KIRREL3: variants seen among roughly 807,000 people sequenced by gnomAD.
KIRREL3 encodes the protein kin of IRRE-like protein 3.
Under a neutral mutation model 89.7 loss-of-function variants are expected in KIRREL3, and 36 were observed. That is an observed-to-expected ratio of 0.40 (90% CI 0.31 to 0.53). KIRREL3 has a LOEUF of 0.53. Among genes scored for constraint, KIRREL3 ranks in the 20% least tolerant of loss-of-function variants. The probability of loss-of-function intolerance (pLI) is 0.49; values close to 1 mark genes in which losing one functional copy is unlikely to be tolerated. For synonymous variants in KIRREL3, 445 were observed against 441.4 expected, an observed-to-expected ratio of 1.01 and a Z score of -0.10; for missense variants, 864 against 1,056.6, an observed-to-expected ratio of 0.82 and a Z score of 2.53.
chr11:126,923,372 TCTTC>T (rs1309438151), intron 1 of KIRREL3, among the ~76,000 whole-genome samples: 1 of 7,202 alleles, frequency 1.4e-4, no homozygotes, highest in Non-Finnish European at 2.5e-4. Context: ...TCCTTCTCCT[TCTTC>T]CTTCTTCTTC....
chr11:126,834,084 G>A (rs1024761677), intron 1 of KIRREL3, among the ~76,000 whole-genome samples: 1 of 152,128 alleles, frequency 6.6e-6, no homozygotes, highest in Non-Finnish European at 1.5e-5. Flanking sequence ...TTATAATTAT[G>A]TACCAGGAAT....
At position 126,561,804 on chromosome 11, in the gene KIRREL3, A is replaced by C. The variant is rs757848710; in HGVS notation, c.133+1031T>G. ...TGATGGGTGCTGGAAACAGGTCCAC[A>C]GCTGGCAAAGTCTCAGGCATGGGGA... On this transcript the variant is annotated intron_variant, in intron 2 of 16. Transcript: ENST00000525144. This position sits in a 1 kb window ranked among gnomAD's most constrained non-coding sequence, Gnocchi z 4.5. Among the ~76,000 whole-genome samples the C allele has an allele frequency of 3.9e-5, 6 of 152,216 alleles. No homozygotes were observed. The highest frequency in any genetic ancestry group is 8.8e-5 in the Non-Finnish European group (6 of 68,040).
In KIRREL3 at chr11:126,515,677, C is replaced by T. The variant is rs1010835415; in HGVS notation, c.433+5638G>A. The stretch of plus-strand genomic sequence containing the variant: ...AGGAGATGCCAGCTGCTTGTTAGTG[C>T]GGGAGCAGGTTGGCGGTGGGTCTGA... On this transcript the variant is annotated intron_variant, in intron 4 of 16. Transcript: ENST00000525144. The surrounding 1 kb of genome is among the most constrained non-coding windows in gnomAD (Gnocchi z 4.2). 1.3e-5 allele frequency among the ~76,000 whole-genome samples: 2 copies of T among 152,020 alleles called. No homozygotes were observed. The highest frequency in any genetic ancestry group is 2.9e-5 in the Non-Finnish European group (2 of 68,000).
Position 126,491,477 on chromosome 11 carries a change from A to G in KIRREL3, c.434-18011T>C, listed in dbSNP as rs1248362735. 1.3e-5 allele frequency among the ~76,000 whole-genome samples: 2 copies of G among 152,084 alleles called. No individual in the cohort carries two copies. Among genetic ancestry groups the G allele is most frequent in the East Asian group, 3.9e-4 (2 of 5,164 alleles). On this transcript the variant is annotated intron_variant, in intron 4 of 16. Coordinates refer to ENST00000525144, the MANE Select transcript of KIRREL3 (RefSeq NM_032531.4). The surrounding 1 kb of genome is among the most constrained non-coding windows in gnomAD (Gnocchi z 5.5). Reference sequence around the variant, plus strand: ...GCCTGCATCCTGGTTCTCTGCTCCCATCTGGGCCAGACTGTTGGACTCCAG... The same window carrying G: ...GCCTGCATCCTGGTTCTCTGCTCCCGTCTGGGCCAGACTGTTGGACTCCAG...
At position 126,474,376 on chromosome 11, in the gene KIRREL3, G is replaced by A. The variant is rs1957008317; in HGVS notation, c.434-910C>T. 6.6e-6 allele frequency among the ~76,000 whole-genome samples: 1 copy of A among 152,198 alleles called. No homozygotes were observed. The highest frequency in any genetic ancestry group is 6.5e-5 in the Admixed American group (1 of 15,278). ...GAAGCCGAGTTCCAGCAAGATTAGT[G>A]ACTGGCTCAAGGTCACATGGTGGCA... On this transcript the variant is annotated intron_variant, in intron 4 of 16. Coordinates refer to ENST00000525144, the MANE Select transcript of KIRREL3 (RefSeq NM_032531.4). The surrounding 1 kb of genome is among the most constrained non-coding windows in gnomAD (Gnocchi z 6.7).
rs1458098782 is a variant in KIRREL3 at position 126,641,029 on chromosome 11, C to T, written c.56-78117G>A. ...TGTGTAACAGGCATCTCAAATTTCACATGCTCCGAAAAGAACTCCTGGTCT... is the reference window on the plus strand; with the variant it reads ...TGTGTAACAGGCATCTCAAATTTCATATGCTCCGAAAAGAACTCCTGGTCT... On this transcript the variant is annotated intron_variant, in intron 1 of 16. Coordinates refer to ENST00000525144, the MANE Select transcript of KIRREL3 (RefSeq NM_032531.4). The surrounding 1 kb of genome is among the most constrained non-coding windows in gnomAD (Gnocchi z 5.0). Among the ~76,000 whole-genome samples the T allele has an allele frequency of 6.6e-6, 1 of 152,194 alleles. No individual in the cohort carries two copies. Among genetic ancestry groups the T allele is most frequent in the Non-Finnish European group, 1.5e-5 (1 of 68,032 alleles).
In KIRREL3 at chr11:126,474,317, A is replaced by G. The variant is rs910851417; in HGVS notation, c.434-851T>C. On this transcript the variant is annotated intron_variant, in intron 4 of 16. Transcript: ENST00000525144. The surrounding 1 kb of genome is among the most constrained non-coding windows in gnomAD (Gnocchi z 6.7). ...AGTTAGTCCTCACAACAGTCTGGTG[A>G]GGTCAACATTACCACCCCAATGACA... Among the ~76,000 whole-genome samples the G allele has an allele frequency of 2.6e-5, 4 of 152,190 alleles. No individual in the cohort carries two copies. The highest frequency in any genetic ancestry group is 9.7e-5 in the African/African-American group (4 of 41,440).
chr11:126,866,236 G>A (rs1055673568), intron 1 of KIRREL3, among the ~76,000 whole-genome samples: 3 of 152,218 alleles, frequency 2.0e-5, no homozygotes, highest in African/African-American at 7.2e-5. Flanking sequence ...CAGTTAGGAA[G>A]AAAGAGGATA....
intron 1 of KIRREL3, among the ~76,000 whole-genome samples, chr11:126,706,689 C>CA (rs1424162641): frequency 2.6e-5 from 4 of 152,134 alleles, no homozygotes; most frequent in Non-Finnish European, 5.9e-5. Flanking sequence ...TTTTAAAAAT[C>CA]ATTTATTTTG....
In KIRREL3 at chr11:126,771,658, C is replaced by T. The variant is rs1355503138; in HGVS notation, c.56-208746G>A. Among the ~76,000 whole-genome samples, 1 of 152,154 alleles carries T rather than the reference C, an allele frequency of 6.6e-6. No homozygotes were observed. The highest frequency in any genetic ancestry group is 2.4e-5 in the African/African-American group (1 of 41,428). ...GCTCCTCCTGATCTCTATCCATGGG[C>T]AGTTAATAAATATTTGCTGAATGAA... On this transcript the variant is annotated intron_variant, in intron 1 of 16. Transcript: ENST00000525144. The surrounding 1 kb of genome is among the most constrained non-coding windows in gnomAD (Gnocchi z 4.4).
chr11:126,451,057 G>A (rs1241750089), intron 7 of KIRREL3, among the ~76,000 whole-genome samples: 2 of 135,764 alleles, frequency 1.5e-5, no homozygotes, highest in African/African-American at 5.6e-5. Flanking sequence ...ATGTGCATGT[G>A]TGCATGCATG....
Position 126,881,558 on chromosome 11 carries a change from T to C in KIRREL3, c.55+118897A>G, listed in dbSNP as rs183854733. Among the ~76,000 whole-genome samples, 891 of 152,296 alleles carry C rather than the reference T, an allele frequency of 5.9e-3. 7 individuals carry two copies. The highest frequency in any genetic ancestry group is 0.011 in the Admixed American group (172 of 15,300). On this transcript the variant is annotated intron_variant, in intron 1 of 16. Transcript: ENST00000525144. Reference sequence around the variant, plus strand: ...AATGCAATTAAAAAAATCATTTTAATATTTTTTGAGACAGAGTCTCACTCT... The same window carrying C: ...AATGCAATTAAAAAAATCATTTTAACATTTTTTGAGACAGAGTCTCACTCT...
intron 1 of KIRREL3, among the ~76,000 whole-genome samples, chr11:126,692,859 C>T (rs1029875480): frequency 6.6e-6 from 1 of 152,252 alleles, no homozygotes; most frequent in East Asian, 1.9e-4. Flanking sequence ...TGGATCTACC[C>T]GCTTTGCAAT....
At chr11:126,591,088 C>T (rs1459288246) in intron 1 of KIRREL3, among the ~76,000 whole-genome samples, 1 of 152,048 alleles carries the variant, frequency 6.6e-6, no homozygotes, top group Non-Finnish European at 1.5e-5. Flanking sequence ...TAGCTGGGCA[C>T]GGTGGTGTGT....
In KIRREL3 at chr11:126,900,309, G is replaced by A. The variant is rs906657376; in HGVS notation, c.55+100146C>T. 6.6e-5 allele frequency among the ~76,000 whole-genome samples: 10 copies of A among 152,138 alleles called. No individual in the cohort carries two copies. The highest frequency in any genetic ancestry group is 2.2e-4 in the African/African-American group (9 of 41,444). On this transcript the variant is annotated intron_variant, in intron 1 of 16. Coordinates refer to ENST00000525144, the MANE Select transcript of KIRREL3 (RefSeq NM_032531.4). The surrounding 1 kb of genome is among the most constrained non-coding windows in gnomAD (Gnocchi z 4.4). ...ATCAGAGGAAAAGTGATTCAGATGG[G>A]GTTTAGAACTACTCAGAGTCTTCCT...
In KIRREL3 at chr11:126,904,566, T is replaced by A. The variant is rs1049415649; in HGVS notation, c.55+95889A>T. 6.6e-6 allele frequency among the ~76,000 whole-genome samples: 1 copy of A among 152,240 alleles called. No individual in the cohort carries two copies. The highest frequency in any genetic ancestry group is 1.5e-5 in the Non-Finnish European group (1 of 68,042). Reference sequence around the variant, plus strand: ...CCACACTTCTTAGCTCAGCTGCTGATGGCTTCCTACTAATGACTTTAAATA... The same window carrying A: ...CCACACTTCTTAGCTCAGCTGCTGAAGGCTTCCTACTAATGACTTTAAATA... On this transcript the variant is annotated intron_variant, in intron 1 of 16. Coordinates refer to ENST00000525144, the MANE Select transcript of KIRREL3 (RefSeq NM_032531.4). This position sits in a 1 kb window ranked among gnomAD's most constrained non-coding sequence, Gnocchi z 4.4.
intron 2 of KIRREL3, among the ~76,000 whole-genome samples, chr11:126,538,441 A>T (rs2134481836): frequency 6.6e-6 from 1 of 152,304 alleles, no homozygotes; most frequent in East Asian, 1.9e-4. Context: ...GTGACATCAG[A>T]ACAATATCGG....
chr11:126,466,158 G>C (rs1956718325), intron 5 of KIRREL3, among the ~76,000 whole-genome samples: 1 of 152,208 alleles, frequency 6.6e-6, no homozygotes, highest in Non-Finnish European at 1.5e-5. Flanking sequence ...CTCCGCCTCG[G>C]AATGATGATT....
In KIRREL3 at chr11:126,942,648, G is replaced by A. The variant is rs970237180; in HGVS notation, c.55+57807C>T. On this transcript the variant is annotated intron_variant, in intron 1 of 16. Coordinates refer to ENST00000525144, the MANE Select transcript of KIRREL3 (RefSeq NM_032531.4). ...AGTCATGTGGCATGTGCTGGATGGCGTTTTGAATAACATTTTAATGAACCA... is the reference window on the plus strand; with the variant it reads ...AGTCATGTGGCATGTGCTGGATGGCATTTTGAATAACATTTTAATGAACCA... 7.9e-5 allele frequency among the ~76,000 whole-genome samples: 12 copies of A among 152,312 alleles called. No homozygotes were observed. The South Asian group carries it at 8.3e-4, about 11-fold the overall frequency.
Sources: allele counts gnomAD v4.1 joint callset (sites outside exome capture counted in the v4.1 genomes callset), GRCh38; gene constraint gnomAD v4.1.1; non-coding constraint Gnocchi (gnomAD v3.1); transcripts MANE v1.5; gene names NCBI Gene and HGNC (gene_info 2026-07-23, HGNC 2026-07-21).